Variants in GPC5 observed in about 807,000 individuals in gnomAD.
GPC5 encodes glypican-5.
Under a neutral mutation model 53.9 loss-of-function variants are expected in GPC5, and 47 were observed. The observed-to-expected ratio is 0.87, with a 90% CI of 0.69 to 1.11. The LOEUF (loss-of-function observed/expected upper bound fraction) is 1.11. Ranked by LOEUF, GPC5 falls within the 50% of genes most tolerant of loss-of-function variation. The pLI is 0.00. For missense variants in GPC5, 748 were observed against 713.1 expected, an observed-to-expected ratio of 1.05 and a Z score of -0.56; for synonymous variants, 286 against 263.3, an observed-to-expected ratio of 1.09 and a Z score of -0.84.
At chr13:92,304,722 T>A (rs1299454881) in intron 7 of GPC5, among the ~76,000 whole-genome samples, 1 of 152,228 alleles carries the variant, frequency 6.6e-6, no homozygotes, top group Non-Finnish European at 1.5e-5. Flanking sequence ...ATTAACAATA[T>A]TCATTTGAAA....
At chr13:91,590,326 C>G (rs1238975426) in intron 2 of GPC5, among the ~76,000 whole-genome samples, 1 of 151,962 alleles carries the variant, frequency 6.6e-6, no homozygotes, top group Non-Finnish European at 1.5e-5. Flanking sequence ...TTTAATGACT[C>G]ATAAGATCTT....
At chr13:91,508,583 A>G (rs1278355216) in intron 2 of GPC5, among the ~76,000 whole-genome samples, 2 of 152,164 alleles carry the variant, frequency 1.3e-5, no homozygotes, top group African/African-American at 4.8e-5. Flanking sequence ...ATGAAGTTCT[A>G]TTTATTAAGT....
chr13:92,365,509 T>C (rs2043600746), intron 7 of GPC5, among the ~76,000 whole-genome samples: 1 of 151,668 alleles, frequency 6.6e-6, no homozygotes, highest in African/African-American at 2.4e-5. Flanking sequence ...TACTCTACCA[T>C]TTTTACTTTC....
intron 5 of GPC5, among the ~76,000 whole-genome samples, chr13:91,822,728 G>A (rs994847688): frequency 2.6e-5 from 4 of 151,960 alleles, no homozygotes; most frequent in Non-Finnish European, 5.9e-5. Context: ...TGGATCATAG[G>A]GTCAAGCCAT....
At chr13:91,478,817 A>ATATATATATATG (rs1376782348) in intron 2 of GPC5, among the ~76,000 whole-genome samples, 4 of 119,860 alleles carry the variant, frequency 3.3e-5, no homozygotes, top group Admixed American at 2.5e-4. Context: ...ATATATATAT[A>ATATATATATATG]TATATACACA....
At chr13:91,556,932 G>C (rs2030991504) in intron 2 of GPC5, among the ~76,000 whole-genome samples, 1 of 151,930 alleles carries the variant, frequency 6.6e-6, no homozygotes, top group African/African-American at 2.4e-5. Context: ...ACTTACTCAT[G>C]TAACCAAACA....
At chr13:91,670,120 T>C (rs558952401) in intron 2 of GPC5, among the ~76,000 whole-genome samples, 35 of 152,238 alleles carry the variant, frequency 2.3e-4, no homozygotes, top group African/African-American at 8.4e-4. Flanking sequence ...ATTGATCTGA[T>C]GGAAGTAGAA....
At chr13:92,638,630 T>C (rs531283554) in intron 7 of GPC5, among the ~76,000 whole-genome samples, 6 of 152,334 alleles carry the variant, frequency 3.9e-5, no homozygotes, top group African/African-American at 1.4e-4. Flanking sequence ...GTTGTTTCCT[T>C]ATATATTTTA....
chr13:92,253,059 C>G (rs1347703629), intron 7 of GPC5, among the ~76,000 whole-genome samples: 2 of 152,078 alleles, frequency 1.3e-5, no homozygotes, highest in African/African-American at 4.8e-5. Flanking sequence ...ATCCAAGGAA[C>G]CTATTTTCAT....
rs150800696 is a variant in GPC5, at chr13:92,047,076, T to C, written c.1402-97754T>C. Among the ~76,000 whole-genome samples, 73 of 152,326 alleles carry C rather than the reference T, an allele frequency of 4.8e-4. 2 individuals are homozygous for C. The East Asian group carries it at 0.013, about 27-fold the overall frequency. ...ATTTTCAAATAAGAACACATAGTGA[T>C]ACCATAGATGTGTGCAATATTTCCT... is the stretch of plus-strand genomic sequence containing the variant. On this transcript the variant is annotated intron_variant, in intron 6 of 7. Coordinates refer to ENST00000377067, the MANE Select transcript of GPC5 (RefSeq NM_004466.6).
intron 6 of GPC5, among the ~76,000 whole-genome samples, chr13:92,044,466 G>T (rs1431980986): frequency 6.6e-6 from 1 of 152,178 alleles, no homozygotes; most frequent in Non-Finnish European, 1.5e-5. Flanking sequence ...AACTAGTCAG[G>T]ATGTTGTTTA....
chr13:91,874,725 C>T (rs1047291265), intron 5 of GPC5, among the ~76,000 whole-genome samples: 1 of 152,140 alleles, frequency 6.6e-6, no homozygotes, highest in African/African-American at 2.4e-5. Context: ...GCTGAAAGTG[C>T]ATTTCAGAGT....
chr13:91,872,357 C>T (rs2039155178), intron 5 of GPC5, among the ~76,000 whole-genome samples: 1 of 152,082 alleles, frequency 6.6e-6, no homozygotes, highest in South Asian at 2.1e-4. Context: ...TAAAATATAA[C>T]TTATAAGAGC....
intron 2 of GPC5, among the ~76,000 whole-genome samples, chr13:91,507,153 G>A (rs1006170768): frequency 1.3e-5 from 2 of 152,118 alleles, no homozygotes; most frequent in African/African-American, 4.8e-5. Context: ...TGGAGGCTGG[G>A]AATTTCAAGA....
Position 91,406,899 on chromosome 13 carries a change from C to T in GPC5, c.163+7690C>T, listed in dbSNP as rs928406674. On this transcript the variant is annotated intron_variant, in intron 1 of 7. Transcript: ENST00000377067. ...TTTGATTAGCCTTGACATCCTGAAA[C>T]TCACCACGTATGGGTCAATACTTAT... Among the ~76,000 whole-genome samples the T allele has an allele frequency of 8.5e-5, 13 of 152,314 alleles. No individual in the cohort carries two copies. In the East Asian group the frequency reaches 9.6e-4, roughly 11 times the overall value.
chr13:92,408,364 T>G (rs1387884726), intron 7 of GPC5, among the ~76,000 whole-genome samples: 1 of 152,182 alleles, frequency 6.6e-6, no homozygotes. Context: ...TCAACTTTTC[T>G]ATCATAATTT....
intron 7 of GPC5, among the ~76,000 whole-genome samples, chr13:92,608,680 G>C (rs894439595): frequency 3.9e-5 from 6 of 152,182 alleles, no homozygotes; most frequent in African/African-American, 9.7e-5. Context: ...ATCCCTGTGT[G>C]TATACATGTT....
At chr13:92,141,712 T>G (rs1018752273) in intron 6 of GPC5, among the ~76,000 whole-genome samples, 8 of 152,196 alleles carry the variant, frequency 5.3e-5, no homozygotes, top group Non-Finnish European at 1.0e-4. Context: ...GTGGGCTCAC[T>G]GCTCAGGGTC....
chr13:91,904,665 G>T (rs1274760505), intron 5 of GPC5, among the ~76,000 whole-genome samples: 1 of 151,892 alleles, frequency 6.6e-6, no homozygotes, highest in East Asian at 1.9e-4. Context: ...TCCTCCAAGA[G>T]GTAGATGTTA....
Sources: gnomAD v4.1 joint callset for allele counts (sites outside exome capture counted in the v4.1 genomes callset) on GRCh38, gnomAD v4.1.1 for gene constraint, MANE v1.5 for transcripts, NCBI Gene and HGNC (gene_info 2026-07-23, HGNC 2026-07-21) for gene names.